Variants in GOLPH3 observed in about 807,000 individuals in gnomAD.
GOLPH3 encodes the protein golgi phosphoprotein 3.
GOLPH3 carries 14 observed loss-of-function variants against 28.5 expected under a neutral mutation model. The observed-to-expected ratio is 0.49, with a 90% CI of 0.32 to 0.77. The LOEUF is 0.77. GOLPH3 is among the 30% of genes least tolerant of loss of function. The pLI is 0.03. For synonymous variants in GOLPH3, 158 were observed against 159.2 expected (o/e 0.99, Z 0.06); for missense variants, 350 against 393.7 (o/e 0.89, Z 0.94).
chr5:32,141,162 CAAA>C (rs5867132), intron 2 of GOLPH3, among the ~76,000 whole-genome samples: 15 of 116,146 alleles, frequency 1.3e-4, no homozygotes, highest in Non-Finnish European at 1.1e-4. Context: ...GACTCAGTCT[CAAA>C]AAAAAAAAAA....
chr5:32,128,378 C>G (rs966892948), intron 3 of GOLPH3, among the ~76,000 whole-genome samples: 5 of 152,168 alleles, frequency 3.3e-5, no homozygotes, highest in African/African-American at 1.2e-4. Context: ...TTAAAAGCGG[C>G]CAGGCGCGGT....
At chr5:32,159,246 A>G (rs73065656) in intron 1 of GOLPH3, among the ~76,000 whole-genome samples, 195 of 152,392 alleles carry the variant, frequency 1.3e-3, no homozygotes, top group African/African-American at 4.5e-3. Context: ...TTGCAAATAC[A>G]TAATGAGATA....
At chr5:32,128,632 A>T (rs946906668) in intron 3 of GOLPH3, among the ~76,000 whole-genome samples, 4 of 151,828 alleles carry the variant, frequency 2.6e-5, no homozygotes, top group Admixed American at 6.6e-5. Flanking sequence ...TTGCTCTCCA[A>T]CCTAGGCAAC....
intron 1 of GOLPH3, among the ~76,000 whole-genome samples, chr5:32,167,773 AC>A (rs2111897930): frequency 6.6e-6 from 1 of 152,206 alleles, no homozygotes; most frequent in Non-Finnish European, 1.5e-5. Context: ...TAGTGAGACC[AC>A]GTCTCTACAA....
intron 3 of GOLPH3, among the ~76,000 whole-genome samples, chr5:32,128,397 C>T (rs1366300966): frequency 2.6e-5 from 4 of 152,168 alleles, no homozygotes; most frequent in African/African-American, 9.7e-5. Context: ...GTGGCTCAAA[C>T]CTGTAATCCC....
At chr5:32,154,573 A>G (rs1321987775) in intron 1 of GOLPH3, among the ~76,000 whole-genome samples, 1 of 152,210 alleles carries the variant, frequency 6.6e-6, no homozygotes, top group Non-Finnish European at 1.5e-5. Flanking sequence ...ACTTTCAGGT[A>G]TAGGTCACTA....
intron 3 of GOLPH3, 31 bp downstream of exon 3, chr5:32,135,541 G>T: frequency 7.8e-7 from 1 of 1,278,296 alleles, no homozygotes; most frequent in Non-Finnish European, 1.1e-6. Context: ...TTAAACAGAA[G>T]TTGGTTTTTG....
intron 1 of GOLPH3, among the ~76,000 whole-genome samples, chr5:32,171,180 A>C (rs1047256872): frequency 6.6e-6 from 1 of 152,218 alleles, no homozygotes; most frequent in African/African-American, 2.4e-5. Flanking sequence ...AAACATTTAG[A>C]GCAAGGGTGT....
chr5:32,142,037 A>G (rs1336691609), intron 2 of GOLPH3, among the ~76,000 whole-genome samples: 5 of 152,016 alleles, frequency 3.3e-5, no homozygotes, highest in Admixed American at 1.3e-4. Flanking sequence ...CCGTCTGGGA[A>G]GTGAGGAGCG....
At chr5:32,141,679 C>G (rs2111853207) in intron 2 of GOLPH3, among the ~76,000 whole-genome samples, 1 of 152,356 alleles carries the variant, frequency 6.6e-6, no homozygotes, top group Non-Finnish European at 1.5e-5. Context: ...CTGCTGCCAT[C>G]TCGGCTCACT....
At position 32,129,384 on chromosome 5, in the gene GOLPH3, G is replaced by A. The variant is rs139795914; in HGVS notation, c.473-2748C>T. ...CATGGTAAGCTCTCAGTAAATGTTA[G>A]CTATTATTTGCCCATGTGCAGAATA... On this transcript the variant is annotated intron_variant, in intron 3 of 3. Transcript: ENST00000265070. Among the ~76,000 whole-genome samples, 22 of 152,282 alleles carry A rather than the reference G, an allele frequency of 1.4e-4. No individual in the cohort carries two copies. The East Asian group carries it at 4.1e-3, about 28-fold the overall frequency.
intron 1 of GOLPH3, among the ~76,000 whole-genome samples, chr5:32,157,883 A>G (rs1404988706): frequency 6.6e-6 from 1 of 151,884 alleles, no homozygotes; most frequent in Non-Finnish European, 1.5e-5. Context: ...AGGCTAAGGC[A>G]GAAGAATCGC....
chr5:32,160,046 G>A (rs572672509), intron 1 of GOLPH3, among the ~76,000 whole-genome samples: 1 of 152,254 alleles, frequency 6.6e-6, no homozygotes, highest in South Asian at 2.1e-4. Flanking sequence ...GGAGGCTGAG[G>A]CATAATGCTG....
chr5:32,157,803 C>T (rs1486138273), intron 1 of GOLPH3, among the ~76,000 whole-genome samples: 5 of 151,936 alleles, frequency 3.3e-5, no homozygotes, highest in Admixed American at 2.0e-4. Context: ...TATAGTGAAA[C>T]CCCATCGCTA....
intron 1 of GOLPH3, among the ~76,000 whole-genome samples, chr5:32,166,323 T>C (rs950612924): frequency 2.6e-5 from 4 of 152,180 alleles, no homozygotes; most frequent in African/African-American, 9.7e-5. Flanking sequence ...GGAAGAGAAA[T>C]AGCCTATGTT....
At chr5:32,128,066 G>A (rs1012357429) in intron 3 of GOLPH3, among the ~76,000 whole-genome samples, 2 of 152,104 alleles carry the variant, frequency 1.3e-5, no homozygotes, top group Admixed American at 1.3e-4. Flanking sequence ...GGAGAAGGGG[G>A]ACCTACACAG....
rs1214048223 is a variant in GOLPH3, at chr5:32,174,090, CCCT to C, written c.-59_-57del. ...GAGGGTCGCAGGACCGACCGGGTCG[CCCT>C]CCTCCTCCCCGCGCGGCCTCCGATC... is the stretch of plus-strand genomic sequence containing the variant. On this transcript the variant is annotated 5_prime_UTR_variant, in exon 1 of 4. Transcript: ENST00000265070. 5.2e-6 allele frequency: 6 copies of C among 1,147,092 alleles called. No homozygotes were observed. The highest frequency in any genetic ancestry group is 1.6e-5 in the African/African-American group (1 of 62,166). 71.1% of individuals were successfully genotyped at this position (1,147,092 alleles called of 1,614,324 possible).
rs912012933 is a variant in GOLPH3 at position 32,125,424 on chromosome 5, G to A, written c.*788C>T. 6.5e-6 allele frequency: 1 copy of A among 152,752 alleles called. No homozygotes were observed. The highest frequency in any genetic ancestry group is 6.5e-5 in the Admixed American group (1 of 15,284). 9.5% of individuals were successfully genotyped at this position (152,752 alleles called of 1,614,324 possible). ...CTCTCTCCTTCAGCGACAAGAGGTC[G>A]ATTTTGCCATCAAATAACCATGATT... On this transcript the variant is annotated 3_prime_UTR_variant, in exon 4 of 4. Transcript: ENST00000265070.
At chr5:32,157,411 C>T (rs941642743) in intron 1 of GOLPH3, among the ~76,000 whole-genome samples, 3 of 152,160 alleles carry the variant, frequency 2.0e-5, no homozygotes, top group Non-Finnish European at 4.4e-5. Context: ...TTTCAACCTT[C>T]GCAACAACCT....
Sources: gnomAD v4.1 joint callset for allele counts (sites outside exome capture counted in the v4.1 genomes callset) on GRCh38, gnomAD v4.1.1 for gene constraint, MANE v1.5 for transcripts, NCBI Gene and HGNC (gene_info 2026-07-23, HGNC 2026-07-21) for gene names.